Variants in GDAP2 observed in about 807,000 individuals in gnomAD.
GDAP2 encodes ganglioside induced differentiation associated protein 2.
A neutral mutation model predicts 67.0 loss-of-function variants in GDAP2; 51 were observed. That is an observed-to-expected ratio of 0.76 (90% CI 0.61 to 0.96). GDAP2 has a LOEUF of 0.96. GDAP2 is among the 40% of genes least tolerant of loss of function. The pLI is 0.00. For missense variants in GDAP2, 547 were observed against 588.3 expected (o/e 0.93, Z 0.73); for synonymous variants, 203 against 207.3 (o/e 0.98, Z 0.18).
At chr1:117,906,628 T>C (rs1269397650) in intron 5 of GDAP2, 46 bp from the exon 6 acceptor site, 12 of 999,744 alleles carry the variant, frequency 1.2e-5, no homozygotes, top group Non-Finnish European at 1.8e-5. Context: ...AAAAATTACT[T>C]ATACATAAAG....
chr1:117,918,879 A>C (rs1650142924), intron 2 of GDAP2, 143 bp from the exon 3 acceptor site: 1 of 672,262 alleles, frequency 1.5e-6, no homozygotes. Context: ...GTAGAAAAGA[A>C]ATTTCTGACT....
Position 117,887,774 on chromosome 1 carries a change from AC to A in GDAP2, c.954-1del, listed in dbSNP as rs1648917441. ...TTGCTTGACATAACCAGCGATTATA[AC>A]TAGGGAAATAAATGATATAATCATT... On this transcript the variant is annotated splice_acceptor_variant, in intron 8 of 13. Transcript: ENST00000369443. LOFTEE classifies it high-confidence loss of function. The A allele has an allele frequency of 6.6e-7, 1 of 1,510,864 alleles. No individual in the cohort carries two copies. The highest frequency in any genetic ancestry group is 1.4e-5 in the African/African-American group (1 of 72,782). 93.6% of individuals were successfully genotyped at this position (1,510,864 alleles called of 1,614,324 possible).
rs576056442 is a variant in GDAP2 at position 117,874,101 on chromosome 1, A to G, written c.1447-3485T>C. Among the ~76,000 whole-genome samples, 518 of 152,330 alleles carry G rather than the reference A, an allele frequency of 3.4e-3. 3 individuals carry two copies. The highest frequency in any genetic ancestry group is 0.012 in the African/African-American group (504 of 41,574). On this transcript the variant is annotated intron_variant, in intron 13 of 13. Transcript: ENST00000369443. ...ACTAATATGTAAAGTTACTGTATCCAGCGATGTGCTCTCTGCCTGACCCTT... is the reference window on the plus strand; with the variant it reads ...ACTAATATGTAAAGTTACTGTATCCGGCGATGTGCTCTCTGCCTGACCCTT...
chr1:117,866,790 A>T lies in GDAP2; in HGVS notation c.*3779T>A, dbSNP rs1011724358. On this transcript the variant is annotated 3_prime_UTR_variant, in exon 14 of 14. Transcript: ENST00000369443. ...AATCTCTTGAACCCAGGAGACAGAGATTACAGTGAGCCGAGATCGTGCCAT... is the reference window on the plus strand; with the variant it reads ...AATCTCTTGAACCCAGGAGACAGAGTTTACAGTGAGCCGAGATCGTGCCAT... The T allele has an allele frequency of 1.3e-5, 2 of 150,296 alleles. No homozygotes were observed. Among genetic ancestry groups the T allele is most frequent in the African/African-American group, 4.9e-5 (2 of 40,916 alleles). 9.3% of individuals were successfully genotyped at this position (150,296 alleles called of 1,614,324 possible).
At chr1:117,881,414 T>C (rs1052711890) in intron 12 of GDAP2, among the ~76,000 whole-genome samples, 6 of 152,122 alleles carry the variant, frequency 3.9e-5, no homozygotes, top group African/African-American at 1.4e-4. Context: ...GATATAAGAC[T>C]ACAGAATCTT....
At chr1:117,927,219 G>GT (rs200924294) in intron 1 of GDAP2, among the ~76,000 whole-genome samples, 2,239 of 148,442 alleles carry the variant, frequency 0.015, 38 homozygotes, top group South Asian at 0.094. Context: ...ACTGTAACTT[G>GT]TTTTTTTTTT....
chr1:117,877,478 G>C, intron 13 of GDAP2: 1 of 973,276 alleles, frequency 1.0e-6, no homozygotes, highest in Non-Finnish European at 1.2e-6. Context: ...GAGTAGTCCT[G>C]TGACTAGTGC....
chr1:117,900,309 AAAGGGGGTAC>A (rs755942039), intron 6 of GDAP2, among the ~76,000 whole-genome samples: 1 of 152,104 alleles, frequency 6.6e-6, no homozygotes, highest in African/African-American at 2.4e-5. Context: ...CAGTATTCAC[AAAGGGGGTAC>A]AAGGGGGTAC....
intron 5 of GDAP2, among the ~76,000 whole-genome samples, chr1:117,910,625 G>A (rs1285433419): frequency 6.6e-6 from 1 of 152,024 alleles, no homozygotes; most frequent in Admixed American, 6.6e-5. Flanking sequence ...TCAGCTCTTC[G>A]ACTTTAAATT....
At chr1:117,917,894 T>G (rs1396197147) in intron 3 of GDAP2, among the ~76,000 whole-genome samples, 2 of 152,208 alleles carry the variant, frequency 1.3e-5, no homozygotes, top group African/African-American at 4.8e-5. Context: ...GTATCTTGTT[T>G]TGCAGTTCAG....
At chr1:117,912,709 G>C in intron 3 of GDAP2, 26 bp from the exon 4 acceptor site, 1 of 1,588,106 alleles carries the variant, frequency 6.3e-7, no homozygotes, top group Non-Finnish European at 8.6e-7. Context: ...ACACACATAA[G>C]TTTGGATGTG....
rs1380448531 is a variant in GDAP2, at chr1:117,866,052, G to C, written c.*4517C>G. The C allele has an allele frequency of 6.6e-6, 1 of 152,176 alleles. No individual in the cohort carries two copies. Among genetic ancestry groups the C allele is most frequent in the Non-Finnish European group, 1.5e-5 (1 of 68,026 alleles). 9.4% of individuals were successfully genotyped at this position (152,176 alleles called of 1,614,324 possible). ...CAATCCTTATCATCTCTGGGTTTAT[G>C]ATATGACCTAGATTATAGGTATGTT... On this transcript the variant is annotated 3_prime_UTR_variant, in exon 14 of 14. Coordinates refer to ENST00000369443, the MANE Select transcript of GDAP2 (RefSeq NM_017686.4).
intron 8 of GDAP2, among the ~76,000 whole-genome samples, chr1:117,893,518 G>C (rs1195768894): frequency 6.6e-6 from 1 of 152,124 alleles, no homozygotes; most frequent in Non-Finnish European, 1.5e-5. Context: ...GAAGGCTTTT[G>C]AAAAGATATT....
intron 7 of GDAP2, among the ~76,000 whole-genome samples, chr1:117,897,217 G>A (rs1649294586): frequency 6.6e-6 from 1 of 152,218 alleles, no homozygotes; most frequent in Non-Finnish European, 1.5e-5. Flanking sequence ...AATCCAATCA[G>A]GGTGACCTGG....
At chr1:117,912,704 C>T (rs1254368835) in intron 3 of GDAP2, 21 bp from the exon 4 acceptor site, 14 of 1,604,074 alleles carry the variant, frequency 8.7e-6, no homozygotes, top group Non-Finnish European at 1.1e-5. Flanking sequence ...TGGAAACACA[C>T]ATAAGTTTGG....
intron 8 of GDAP2, among the ~76,000 whole-genome samples, chr1:117,890,949 C>T (rs1239751473): frequency 6.6e-6 from 1 of 151,726 alleles, no homozygotes; most frequent in Non-Finnish European, 1.5e-5. Context: ...CTCCAAAATC[C>T]AAAACTTTCT....
chr1:117,898,942 T>C (rs1649352304), intron 7 of GDAP2, 115 bp downstream of exon 7: 2 of 732,626 alleles, frequency 2.7e-6, no homozygotes, highest in East Asian at 2.4e-5. Context: ...TTGATAGTAG[T>C]CATGGTAATA....
At chr1:117,897,593 A>C (rs1649309406) in intron 7 of GDAP2, among the ~76,000 whole-genome samples, 2 of 152,232 alleles carry the variant, frequency 1.3e-5, no homozygotes, top group Non-Finnish European at 2.9e-5. Flanking sequence ...TAACTTTCTA[A>C]TCTGTCCATA....
chr1:117,906,645 C>T (rs544534601), intron 5 of GDAP2, 63 bp from the exon 6 acceptor site: 1 of 855,072 alleles, frequency 1.2e-6, no homozygotes, highest in Non-Finnish European at 1.9e-6. Context: ...AAAGAAAAAT[C>T]AAGCTCTTCA....
Sources: gnomAD v4.1 joint callset for allele counts (sites outside exome capture counted in the v4.1 genomes callset) on GRCh38, gnomAD v4.1.1 for gene constraint, MANE v1.5 for transcripts, NCBI Gene and HGNC (gene_info 2026-07-23, HGNC 2026-07-21) for gene names.